The following CMTM7 variants were observed in gnomAD, a reference collection of about 807,000 sequenced individuals.
CMTM7 encodes CKLF-like MARVEL transmembrane domain-containing protein 7.
CMTM7 carries 7 observed loss-of-function variants against 19.3 expected under a neutral mutation model. The ratio of observed to expected loss-of-function variants is 0.36; its 90% CI spans 0.21 to 0.68. CMTM7 has a LOEUF of 0.68. Among genes scored for constraint, CMTM7 ranks in the 30% least tolerant of loss-of-function variants. The pLI is 0.60. For missense variants in CMTM7, 193 were observed against 232.6 expected (o/e 0.83, Z 1.11); for synonymous variants, 87 against 99.3 (o/e 0.88, Z 0.74).
intron 1 of CMTM7, among the ~76,000 whole-genome samples, chr3:32,415,431 G>A (rs1202358182): frequency 6.6e-6 from 1 of 152,186 alleles, no homozygotes; most frequent in Non-Finnish European, 1.5e-5. Context: ...CCACTGTCAT[G>A]CTGCCTTTTC....
At chr3:32,436,940 T>G (rs1259389035) in intron 1 of CMTM7, among the ~76,000 whole-genome samples, 1 of 152,136 alleles carries the variant, frequency 6.6e-6, no homozygotes, top group East Asian at 1.9e-4. Context: ...AAATCTCATT[T>G]CTTTCTGGAA....
chr3:32,412,480 G>GACACACACACACAC (rs3081435), intron 1 of CMTM7, among the ~76,000 whole-genome samples: 7 of 120,418 alleles, frequency 5.8e-5, no homozygotes, highest in Non-Finnish European at 1.0e-4. Context: ...GATTGAGACT[G>GACACACACACACAC]ACACACACAC....
intron 1 of CMTM7, among the ~76,000 whole-genome samples, chr3:32,441,428 T>A (rs960006940): frequency 6.6e-6 from 1 of 152,246 alleles, no homozygotes; most frequent in Non-Finnish European, 1.5e-5. Context: ...CCATCAAATA[T>A]TGGCAACTTC....
intron 1 of CMTM7, among the ~76,000 whole-genome samples, chr3:32,424,433 G>A (rs763178281): frequency 3.3e-5 from 5 of 152,184 alleles, no homozygotes; most frequent in Non-Finnish European, 7.3e-5. Context: ...TCCTGATGGG[G>A]AGTGGCAAGG....
At position 32,454,268 on chromosome 3, in the gene CMTM7, C is replaced by G. The variant is rs367602869; in HGVS notation, c.*14C>G. ...GCAGCCGTCTGATGAGGCCACAACC[C>G]CTAGGCCCCTCAGGAGCTTTGCAGA... On this transcript the variant is annotated 3_prime_UTR_variant, in exon 5 of 5. Transcript: ENST00000334983. 4.3e-6 allele frequency: 7 copies of G among 1,613,496 alleles called. No individual in the cohort carries two copies. Among genetic ancestry groups the G allele is most frequent in the Non-Finnish European group, 5.9e-6 (7 of 1,179,628 alleles).
intron 1 of CMTM7, among the ~76,000 whole-genome samples, chr3:32,402,928 T>G (rs1021121160): frequency 1.3e-5 from 2 of 152,186 alleles, no homozygotes; most frequent in Non-Finnish European, 2.9e-5. Context: ...AAAGGAGAAG[T>G]TAATTAAATG....
At position 32,441,995 on chromosome 3, in the gene CMTM7, T is replaced by G. The variant is rs1696685370; in HGVS notation, c.315T>G (p.Cys105Trp). The G allele has an allele frequency of 1.2e-6, 2 of 1,614,066 alleles. No individual in the cohort carries two copies. The highest frequency in any genetic ancestry group is 8.5e-7 in the Non-Finnish European group (1 of 1,180,030). ...HLFRFYRVLTCISWPLSELLH... is the reference protein window; with the variant it reads ...HLFRFYRVLTWISWPLSELLH... ...TCCGCTTCTACCGCGTGCTCACCTG[T>G]ATCAGCTGGCCCCTGTCGGTAAGAG... The change falls in exon 2 of 5, where the codon TGT becomes TGG. Residue 105 changes from cysteine to tryptophan, a missense_variant. Physicochemically the swap from Cys to Trp is radical, Grantham distance 215. Coordinates refer to ENST00000334983, the MANE Select transcript of CMTM7 (RefSeq NM_138410.4).
chr3:32,439,017 G>C (rs1315021884), intron 1 of CMTM7, among the ~76,000 whole-genome samples: 1 of 152,154 alleles, frequency 6.6e-6, no homozygotes, highest in Non-Finnish European at 1.5e-5. Flanking sequence ...TTGAGTTCTT[G>C]AGGAGGTCAT....
At chr3:32,412,501 A>G (rs1227723659) in intron 1 of CMTM7, among the ~76,000 whole-genome samples, 1 of 54,806 alleles carries the variant, frequency 1.8e-5, no homozygotes, top group African/African-American at 5.0e-5. Flanking sequence ...ACACACACAC[A>G]CACACACACA....
intron 1 of CMTM7, among the ~76,000 whole-genome samples, chr3:32,394,694 T>G (rs1695889321): frequency 6.6e-6 from 1 of 152,182 alleles, no homozygotes; most frequent in Non-Finnish European, 1.5e-5. Context: ...TTTAAAGCAC[T>G]CTTTTTTTTC....
intron 2 of CMTM7, among the ~76,000 whole-genome samples, chr3:32,447,675 A>AAT (rs1373230677): frequency 6.6e-6 from 1 of 152,104 alleles, no homozygotes; most frequent in Middle Eastern, 3.2e-3. Flanking sequence ...CATTGTTATA[A>AAT]AATGTCCCTC....
Position 32,441,827 on chromosome 3 carries a change from A to G in CMTM7, c.160-13A>G. On this transcript the variant is annotated splice_polypyrimidine_tract_variant and intron_variant, in intron 1 of 4. Transcript: ENST00000334983. Reference sequence around the variant, plus strand: ...GGGCAAGCATTTCTCTGATGTCTCTATTTATGTGGCAGGTCACCCTGCTGA... The same window carrying G: ...GGGCAAGCATTTCTCTGATGTCTCTGTTTATGTGGCAGGTCACCCTGCTGA... The G allele has an allele frequency of 1.2e-6, 2 of 1,612,978 alleles. No homozygotes were observed. The highest frequency in any genetic ancestry group is 1.7e-6 in the Non-Finnish European group (2 of 1,179,360).
At chr3:32,399,966 G>T (rs1440906061) in intron 1 of CMTM7, among the ~76,000 whole-genome samples, 1 of 152,192 alleles carries the variant, frequency 6.6e-6, no homozygotes, top group Non-Finnish European at 1.5e-5. Flanking sequence ...TCTTCCCCAA[G>T]ATTAAAAAGT....
chr3:32,425,934 T>A (rs191860943), intron 1 of CMTM7, among the ~76,000 whole-genome samples: 169 of 152,152 alleles, frequency 1.1e-3, no homozygotes, highest in African/African-American at 3.7e-3. Context: ...TCACCTGAAG[T>A]TGGGAGTTTG....
chr3:32,426,759 G>A (rs1696439520), intron 1 of CMTM7, among the ~76,000 whole-genome samples: 1 of 152,096 alleles, frequency 6.6e-6, no homozygotes, highest in South Asian at 2.1e-4. Flanking sequence ...AATCTTGGCC[G>A]ATATGCATGA....
At chr3:32,451,710 C>T (rs575007530) in intron 3 of CMTM7, 2 of 202,874 alleles carry the variant, frequency 9.9e-6, no homozygotes, top group South Asian at 7.1e-5. Context: ...GCCTCTTCCT[C>T]GACCATTTGA....
chr3:32,434,524 C>T (rs1312100396), intron 1 of CMTM7, among the ~76,000 whole-genome samples: 1 of 151,298 alleles, frequency 6.6e-6, no homozygotes, highest in African/African-American at 2.4e-5. Flanking sequence ...AGGCTGGTCT[C>T]GAACCCTTGG....
intron 3 of CMTM7, among the ~76,000 whole-genome samples, chr3:32,450,575 AG>A (rs2125644241): frequency 1.3e-5 from 2 of 152,250 alleles, no homozygotes; most frequent in East Asian, 3.9e-4. Flanking sequence ...GTCACTGTAG[AG>A]GGTGGCCAAA....
chr3:32,452,235 C>G, intron 3 of CMTM7, 157 bp from the exon 4 acceptor site: 1 of 1,532,826 alleles, frequency 6.5e-7, no homozygotes, highest in East Asian at 2.4e-5. Flanking sequence ...CCTCTCTGCA[C>G]CTGATCCAGG....
Sources: gnomAD v4.1 joint callset for allele counts (sites outside exome capture counted in the v4.1 genomes callset) on GRCh38, gnomAD v4.1.1 for gene constraint, MANE v1.5 for transcripts, NCBI Gene and HGNC (gene_info 2026-07-23, HGNC 2026-07-21) for gene names.